The following TTC23L variants were observed in gnomAD, a reference collection of about 807,000 sequenced individuals.
The protein encoded by TTC23L is tetratricopeptide repeat domain 23 like.
Under a neutral mutation model 48.1 loss-of-function variants are expected in TTC23L, and 42 were observed. The observed-to-expected ratio is 0.87, with a 90% CI of 0.68 to 1.13. The LOEUF (loss-of-function observed/expected upper bound fraction) is 1.13, where lower values mean the gene tolerates loss of function less well. Ranked by LOEUF, TTC23L falls within the 50% of genes most tolerant of loss-of-function variation. TTC23L has a pLI of 0.00. For synonymous variants in TTC23L, 159 were observed against 157.2 expected (o/e 1.01, Z -0.09); for missense variants, 391 against 421.0 (o/e 0.93, Z 0.62).
At chr5:34,884,662 A>T (rs1266204636) in intron 9 of TTC23L, among the ~76,000 whole-genome samples, 5 of 152,180 alleles carry the variant, frequency 3.3e-5, no homozygotes, top group Admixed American at 2.0e-4. Context: ...TGAAAAAAAA[A>T]GTAAGAAAAC....
intron 4 of TTC23L, 104 bp from the exon 5 acceptor site, chr5:34,862,794 A>G (rs1561134675): frequency 6.7e-6 from 9 of 1,350,044 alleles, no homozygotes; most frequent in Middle Eastern, 1.9e-4. Context: ...TATAGACCAT[A>G]CGACAACTGC....
chr5:34,855,038 T>G (rs1760011053), intron 4 of TTC23L, among the ~76,000 whole-genome samples: 1 of 152,130 alleles, frequency 6.6e-6, no homozygotes, highest in African/African-American at 2.4e-5. Flanking sequence ...GGTGGGCATT[T>G]CTGATGAAGA....
At chr5:34,847,487 T>G (rs1429981649) in intron 3 of TTC23L, among the ~76,000 whole-genome samples, 9 of 152,084 alleles carry the variant, frequency 5.9e-5, no homozygotes, top group East Asian at 3.9e-4. Flanking sequence ...GCTGTTTTTT[T>G]TTTTTTTTTT....
the TTC23L span, chr5:34,913,872 T>C: frequency 1.3e-5 from 6 of 468,876 alleles, no homozygotes; most frequent in Non-Finnish European, 2.5e-5. Context: ...TGAGCAACAT[T>C]AGTTTCAACT....
intron 3 of TTC23L, 141 bp downstream of exon 3, chr5:34,845,814 A>G: frequency 1.1e-6 from 1 of 876,892 alleles, no homozygotes; most frequent in Non-Finnish European, 1.7e-6. Flanking sequence ...AAAACAAAGC[A>G]GAGCCTACTT....
chr5:34,908,981 AAC>A, the TTC23L span: 2 of 1,513,054 alleles, frequency 1.3e-6, no homozygotes, highest in African/African-American at 1.4e-5. Context: ...CTGTTATATC[AAC>A]ACAGTGAACA....
chr5:34,866,884 T>G lies in TTC23L; in HGVS notation c.663-8T>G. ...TGTGACTTTCTATTTTCATCCCTTT[T>G]CTTGCAGAGCCTCCTTGGCCATCCA... is the stretch of plus-strand genomic sequence containing the variant. On this transcript the variant is annotated splice_polypyrimidine_tract_variant and splice_region_variant and intron_variant, in intron 6 of 10. Coordinates refer to ENST00000505624, the Ensembl canonical transcript of TTC23L. 1 of 1,575,842 alleles carries G rather than the reference T, an allele frequency of 6.3e-7. No individual in the cohort carries two copies. Among genetic ancestry groups the G allele is most frequent in the Non-Finnish European group, 8.7e-7 (1 of 1,155,860 alleles).
chr5:34,882,531 C>T (rs749824193), intron 9 of TTC23L, among the ~76,000 whole-genome samples: 14 of 151,784 alleles, frequency 9.2e-5, no homozygotes, highest in Non-Finnish European at 1.5e-4. Context: ...GCTCGTTCTC[C>T]TGCCTCCAAG....
chr5:34,922,346 CT>C, the TTC23L span: 1 of 1,143,508 alleles, frequency 8.7e-7, no homozygotes, highest in Non-Finnish European at 1.3e-6. Context: ...TTCTTTGTAC[CT>C]TTTATGTTAT....
rs1380703119 is a variant in TTC23L at position 34,840,675 on chromosome 5, C to T, written c.4C>T (p.Gln2Ter). 3 of 1,613,868 alleles carry T rather than the reference C, an allele frequency of 1.9e-6. No individual in the cohort carries two copies. In the African/African-American group the frequency reaches 4.0e-5, roughly 22 times the overall value. ...CCTGATTCTTGGTAGGAAGAAGATGCAAGCCAGCCCCATCCGTATCCCAAC... is the reference window on the plus strand; with the variant it reads ...CCTGATTCTTGGTAGGAAGAAGATGTAAGCCAGCCCCATCCGTATCCCAAC... Residue 2 changes from glutamine (Q) to a stop codon, truncating the protein, a stop_gained, in exon 2 of 11, where the codon CAA becomes TAA. Transcript: ENST00000505624. LOFTEE classifies it high-confidence loss of function.
At chr5:34,886,864 GTGGAATTAGTAATACCT>G (rs1762577053) in intron 9 of TTC23L, among the ~76,000 whole-genome samples, 1 of 152,190 alleles carries the variant, frequency 6.6e-6, no homozygotes, top group Non-Finnish European at 1.5e-5. Flanking sequence ...TCAAGGTTGA[GTGGAATTAGTAATACCT>G]TGTTTAACCA....
chr5:34,884,850 G>C (rs1253606580), intron 9 of TTC23L, among the ~76,000 whole-genome samples: 1 of 152,178 alleles, frequency 6.6e-6, no homozygotes, highest in Non-Finnish European at 1.5e-5. Flanking sequence ...TTTATTGGCA[G>C]TGTTCTCTGG....
At chr5:34,904,343 C>T (rs1763581878), downstream of TTC23L, among the ~76,000 whole-genome samples, 1 of 151,188 alleles carries the variant, frequency 6.6e-6, no homozygotes, top group Admixed American at 6.6e-5. Context: ...CACCTGTAAT[C>T]CCAGCACTTT....
chr5:34,925,592 T>A, the TTC23L span: 1 of 1,009,482 alleles, frequency 9.9e-7, no homozygotes, highest in Non-Finnish European at 1.4e-6. Context: ...TACGTCTAAT[T>A]AGTGTAGCAT....
intron 4 of TTC23L, among the ~76,000 whole-genome samples, chr5:34,860,415 A>G (rs465230): frequency 0.096 from 14,681 of 152,290 alleles, 1,438 homozygotes; most frequent in African/African-American, 0.25. Flanking sequence ...TGTGGTCCTC[A>G]GACAACCTTG....
At chr5:34,921,983 A>T in the TTC23L span, 1 of 283,048 alleles carries the variant, frequency 3.5e-6, no homozygotes, top group Middle Eastern at 1.0e-3. Flanking sequence ...AGGCCCAAAA[A>T]TATGATAGAT....
chr5:34,845,385 C>G (rs1029188676), intron 2 of TTC23L, 102 bp from the exon 3 acceptor site: 7 of 1,212,550 alleles, frequency 5.8e-6, no homozygotes, highest in Non-Finnish European at 8.0e-6. Flanking sequence ...TGTTAGAAAT[C>G]ATGTCCCTAT....
intron 3 of TTC23L, among the ~76,000 whole-genome samples, chr5:34,847,253 G>A (rs1009721722): frequency 1.7e-4 from 26 of 152,162 alleles, no homozygotes; most frequent in African/African-American, 6.3e-4. Context: ...GGACCCATTA[G>A]TGATTCACAA....
chr5:34,839,418 C>G (rs565804360), intron 1 of TTC23L, 159 bp downstream of exon 1: 2 of 155,964 alleles, frequency 1.3e-5, no homozygotes, highest in South Asian at 2.0e-4. Context: ...GAGAGGCTCT[C>G]AGAGCTCGAC....
Sources: allele counts gnomAD v4.1 joint callset (sites outside exome capture counted in the v4.1 genomes callset), GRCh38; gene constraint gnomAD v4.1.1; transcripts MANE v1.5; gene names NCBI Gene and HGNC (gene_info 2026-07-23, HGNC 2026-07-21).